The following CEP112 variants were observed in gnomAD, a reference collection of about 807,000 sequenced individuals.
CEP112 encodes centrosomal protein of 112 kDa.
CEP112 carries 127 observed loss-of-function variants against 153.0 expected under a neutral mutation model. The ratio of observed to expected loss-of-function variants is 0.83; its 90% CI spans 0.72 to 0.96. CEP112 has a LOEUF of 0.96. CEP112 is among the 40% of genes least tolerant of loss of function. CEP112 has a pLI of 0.00. For missense variants in CEP112, 1,089 were observed against 1,101.2 expected, an observed-to-expected ratio of 0.99 and a Z score of 0.16; for synonymous variants, 358 against 374.4, an observed-to-expected ratio of 0.96 and a Z score of 0.51.
chr17:66,035,776 T>C (rs12951935), intron 12 of CEP112, among the ~76,000 whole-genome samples: 62,515 of 152,072 alleles, frequency 0.41, 14,320 homozygotes, highest in East Asian at 0.87. Flanking sequence ...GAGACTCACA[T>C]TGTGAACTTT....
intron 16 of CEP112, among the ~76,000 whole-genome samples, chr17:66,025,920 T>TACACATACACACACACAC (rs2065182341): frequency 8.0e-6 from 1 of 124,520 alleles, no homozygotes; most frequent in Non-Finnish European, 1.7e-5. Flanking sequence ...AAATGTGGCA[T>TACACATACACACACACAC]ACACACACAC....
intron 17 of CEP112, among the ~76,000 whole-genome samples, chr17:65,970,890 C>T (rs985340701): frequency 1.1e-4 from 16 of 152,244 alleles, no homozygotes; most frequent in Admixed American, 9.2e-4. Flanking sequence ...ATGCATATCA[C>T]ATCTGTGTGC....
At chr17:65,653,364 T>C (rs1419729605) in intron 24 of CEP112, among the ~76,000 whole-genome samples, 1 of 152,218 alleles carries the variant, frequency 6.6e-6, no homozygotes, top group African/African-American at 2.4e-5. Context: ...ATACTTCTAC[T>C]CCTTGTGGAT....
chr17:65,864,544 T>C (rs1368384192), intron 20 of CEP112, among the ~76,000 whole-genome samples: 1 of 152,194 alleles, frequency 6.6e-6, no homozygotes, highest in Non-Finnish European at 1.5e-5. Context: ...TAGTTAGTGA[T>C]ACAGTATGGA....
At chr17:65,972,655 A>G (rs1389499200) in intron 17 of CEP112, among the ~76,000 whole-genome samples, 4 of 152,246 alleles carry the variant, frequency 2.6e-5, no homozygotes, top group African/African-American at 4.8e-5. Flanking sequence ...GAAAAAAAGA[A>G]ACAATACAAA....
intron 21 of CEP112, among the ~76,000 whole-genome samples, chr17:65,848,451 C>T (rs1016271045): frequency 3.9e-5 from 6 of 152,106 alleles, no homozygotes; most frequent in Non-Finnish European, 5.9e-5. Context: ...TTCTCATGTT[C>T]CTTCTACCTT....
At chr17:65,687,815 C>T (rs1170432511) in intron 24 of CEP112, among the ~76,000 whole-genome samples, 1 of 152,150 alleles carries the variant, frequency 6.6e-6, no homozygotes, top group East Asian at 1.9e-4. Flanking sequence ...TTGTGTTTTC[C>T]CTTCCCCCAA....
chr17:65,912,348 T>C (rs913990704), intron 19 of CEP112, among the ~76,000 whole-genome samples: 1 of 152,086 alleles, frequency 6.6e-6, no homozygotes, highest in African/African-American at 2.4e-5. Context: ...AACCCAACTT[T>C]CCTGTTGAAA....
chr17:65,864,227 C>T (rs1034451886), intron 20 of CEP112, among the ~76,000 whole-genome samples: 1 of 151,944 alleles, frequency 6.6e-6, no homozygotes, highest in Non-Finnish European at 1.5e-5. Context: ...GGGCAGTTTG[C>T]CACTCCATGT....
chr17:66,068,319 T>C (rs1212755295), intron 9 of CEP112, among the ~76,000 whole-genome samples: 1 of 151,998 alleles, frequency 6.6e-6, no homozygotes, highest in Non-Finnish European at 1.5e-5. Flanking sequence ...CACATGCATA[T>C]AGTCAGCTAC....
At chr17:65,765,724 G>A (rs550656596) in intron 21 of CEP112, among the ~76,000 whole-genome samples, 50 of 152,028 alleles carry the variant, frequency 3.3e-4, no homozygotes, top group Non-Finnish European at 5.9e-4. Flanking sequence ...TGGCACTGAG[G>A]TACCCACAGT....
At chr17:65,967,521 T>G (rs186979495) in intron 17 of CEP112, among the ~76,000 whole-genome samples, 10 of 152,104 alleles carry the variant, frequency 6.6e-5, no homozygotes, top group East Asian at 5.8e-4. Context: ...AACTATAATC[T>G]GACTAAGGGA....
At chr17:65,657,056 C>T (rs989569002) in intron 24 of CEP112, among the ~76,000 whole-genome samples, 3 of 152,138 alleles carry the variant, frequency 2.0e-5, no homozygotes, top group African/African-American at 4.8e-5. Context: ...CCAGGGCCTA[C>T]GGGGCTGCTG....
At chr17:65,753,673 T>G (rs371759544) in intron 21 of CEP112, among the ~76,000 whole-genome samples, 6 of 152,240 alleles carry the variant, frequency 3.9e-5, no homozygotes, top group East Asian at 1.9e-4. Flanking sequence ...TATTTTTTTT[T>G]GTCACAAAAT....
At chr17:65,690,563 A>G (rs2048059995) in intron 23 of CEP112, among the ~76,000 whole-genome samples, 1 of 152,102 alleles carries the variant, frequency 6.6e-6, no homozygotes, top group African/African-American at 2.4e-5. Context: ...GGAAGGGGAC[A>G]TTCTGGAGTG....
rs376194179 is a variant in CEP112, at chr17:65,817,581, A to G, written c.2394+34223T>C. ...CCTATTTATTTCTAGCTTCTTGAAC[A>G]ATAACAATTAGGTTTATAAAAATTG... On this transcript the variant is annotated intron_variant, in intron 21 of 26. Transcript: ENST00000535342. Among the ~76,000 whole-genome samples the G allele has an allele frequency of 1.2e-4, 18 of 152,060 alleles. No individual in the cohort carries two copies. In the South Asian group the frequency reaches 3.7e-3, roughly 32 times the overall value.
At chr17:66,180,320 C>CT (rs35168200) in intron 2 of CEP112, among the ~76,000 whole-genome samples, 37,032 of 151,832 alleles carry the variant, frequency 0.24, 4,697 homozygotes, top group Middle Eastern at 0.36. Flanking sequence ...AGGTCCAGGG[C>CT]TTTCCTTTGC....
intron 19 of CEP112, among the ~76,000 whole-genome samples, chr17:65,920,402 T>TATATAA (rs2060676098): frequency 8.7e-6 from 1 of 115,294 alleles, no homozygotes; most frequent in Non-Finnish European, 1.7e-5. Context: ...TATATATATA[T>TATATAA]ATAATTATAA....
intron 4 of CEP112, among the ~76,000 whole-genome samples, chr17:66,174,556 CT>C (rs1319346397): frequency 6.6e-6 from 1 of 152,122 alleles, no homozygotes; most frequent in African/African-American, 2.4e-5. Context: ...TATCCCTTCC[CT>C]AAAGCCAAAA....
Sources: allele counts gnomAD v4.1 joint callset (sites outside exome capture counted in the v4.1 genomes callset), GRCh38; gene constraint gnomAD v4.1.1; transcripts MANE v1.5; gene names NCBI Gene and HGNC (gene_info 2026-07-23, HGNC 2026-07-21).